Variants in RACGAP1 observed in about 807,000 individuals in gnomAD.
RACGAP1 encodes the protein rac GTPase-activating protein 1.
RACGAP1 carries 30 observed loss-of-function variants against 78.1 expected under a neutral mutation model. The ratio of observed to expected loss-of-function variants is 0.38; its 90% CI spans 0.29 to 0.52. The LOEUF (loss-of-function observed/expected upper bound fraction) is 0.52. Ranked by LOEUF, RACGAP1 falls within the 20% of genes least tolerant of loss-of-function variation. RACGAP1 has a pLI of 0.82. For missense variants in RACGAP1, 587 were observed against 777.1 expected (o/e 0.76, Z 2.91); for synonymous variants, 231 against 264.8 (o/e 0.87, Z 1.24).
At chr12:49,997,519 C>T (rs1437844988) in intron 9 of RACGAP1, among the ~76,000 whole-genome samples, 2 of 151,732 alleles carry the variant, frequency 1.3e-5, no homozygotes, top group East Asian at 3.9e-4. Context: ...TGTGATTCAC[C>T]CACCTCGACC....
chr12:50,033,094 G>GC (rs1302570824), exon 1 of RACGAP1: 2 of 152,450 alleles, frequency 1.3e-5, no homozygotes, highest in Non-Finnish European at 2.9e-5. Context: ...TCTGGCCACA[G>GC]CCCGATGCGT....
chr12:50,002,641 G>T, intron 5 of RACGAP1: 1 of 197,596 alleles, frequency 5.1e-6, no homozygotes, highest in Admixed American at 5.4e-5. Flanking sequence ...AGAATGTTAG[G>T]CACTATACTG....
intron 2 of RACGAP1, among the ~76,000 whole-genome samples, chr12:50,009,694 C>T (rs1443857019): frequency 1.3e-5 from 2 of 152,208 alleles, no homozygotes; most frequent in African/African-American, 4.8e-5. Context: ...TCCAAGACCA[C>T]CTTACCAGTT....
chr12:49,996,756 T>C (rs968510521), intron 10 of RACGAP1, among the ~76,000 whole-genome samples: 1 of 147,606 alleles, frequency 6.8e-6, no homozygotes, highest in Non-Finnish European at 1.5e-5. Context: ...ATGTCTGAAA[T>C]TTTCCAAAAT....
chr12:50,031,130 C>A (rs1173636194), intron 2 of RACGAP1, among the ~76,000 whole-genome samples: 1 of 151,840 alleles, frequency 6.6e-6, no homozygotes, highest in African/African-American at 2.4e-5. Flanking sequence ...TGATTCTAAT[C>A]ATATATCTCC....
At chr12:49,992,769 T>G (rs896725277) in intron 12 of RACGAP1, 114 bp from the exon 13 acceptor site, 9 of 695,654 alleles carry the variant, frequency 1.3e-5, no homozygotes, top group African/African-American at 1.3e-4. Context: ...AACTCCTGAT[T>G]AGTTCATGAC....
chr12:49,993,416 C>T (rs1483378375), intron 12 of RACGAP1, among the ~76,000 whole-genome samples: 1 of 152,104 alleles, frequency 6.6e-6, no homozygotes, highest in Non-Finnish European at 1.5e-5. Context: ...AAGGGTGACA[C>T]GCATACAGTT....
intron 10 of RACGAP1, among the ~76,000 whole-genome samples, chr12:49,995,414 CA>C (rs780070650): frequency 3.3e-5 from 5 of 151,872 alleles, no homozygotes; most frequent in Non-Finnish European, 7.4e-5. Flanking sequence ...CTTGTAAGAT[CA>C]GGGGAAAATA....
chr12:49,992,621 C>T lies in RACGAP1; in HGVS notation c.1374G>A (p.Met458Ile). 1 of 1,613,952 alleles carries T rather than the reference C, an allele frequency of 6.2e-7. No individual in the cohort carries two copies. The highest frequency in any genetic ancestry group is 8.5e-7 in the Non-Finnish European group (1 of 1,179,964). The change falls in exon 13 of 17, where the codon ATG becomes ATA. Residue 458 changes from methionine (M) to isoleucine (I), a missense_variant. Physicochemically the swap from Met to Ile is conservative, Grantham distance 10 (BLOSUM62 1). Transcript: ENST00000312377. ...ITDEDNSIAAMYQAVGELPQA... is the reference protein window; with the variant it reads ...ITDEDNSIAAIYQAVGELPQA... ...GGGGCAGTTCACCAACAGCTTGGTA[C>T]ATGGCAGCTATGCTGTTGTCTTCAT... is the stretch of plus-strand genomic sequence containing the variant.
intron 6 of RACGAP1, 91 bp from the exon 7 acceptor site, chr12:50,001,343 G>A: frequency 9.9e-7 from 1 of 1,008,040 alleles, no homozygotes; most frequent in East Asian, 2.5e-5. Context: ...TTGGATACAG[G>A]TCCTGGGGAT....
rs35573059 is a variant in RACGAP1 at position 50,015,042 on chromosome 12, C to CAA, written c.85+1587_85+1588dup. On this transcript the variant is annotated intron_variant, in intron 2 of 16. Transcript: ENST00000312377. ...TGGGTGACAGAGTGAGATTCTGTCT[C>CAA]AAAAAAAAAAAAAAAAAGAGAGAGA... 6.7e-3 allele frequency among the ~76,000 whole-genome samples: 814 copies of CAA among 120,792 alleles called. 8 individuals are homozygous for CAA. Among genetic ancestry groups the CAA allele is most frequent in the Middle Eastern group, 0.03 (7 of 230 alleles). The allele number at this position is 120,792 out of a possible 152,430, so 79.2% of individuals were successfully genotyped here. A position where few individuals can be genotyped will look rare whatever the true frequency, so the allele number is the denominator to read the frequency against.
chr12:50,012,042 T>G (rs1375671205), intron 2 of RACGAP1, among the ~76,000 whole-genome samples: 1 of 150,616 alleles, frequency 6.6e-6, no homozygotes, highest in Admixed American at 6.6e-5. Flanking sequence ...GTAGGAGGAT[T>G]GCTTGAGCCC....
rs188127494 is a variant in RACGAP1, at chr12:50,010,158, A to T, written c.86-3522T>A. Among the ~76,000 whole-genome samples, 922 of 152,256 alleles carry T rather than the reference A, an allele frequency of 6.1e-3. 13 individuals carry two copies. Among genetic ancestry groups the T allele is most frequent in the African/African-American group, 0.021 (855 of 41,544 alleles). Reference sequence around the variant, plus strand: ...AATTTATACACCAATGATTTTTTTTAAAAAGCTCAGGCAGCTTATGAAAAA... The same window carrying T: ...AATTTATACACCAATGATTTTTTTTTAAAAGCTCAGGCAGCTTATGAAAAA... On this transcript the variant is annotated intron_variant, in intron 2 of 16. Coordinates refer to ENST00000312377, the MANE Select transcript of RACGAP1 (RefSeq NM_001319999.2).
chr12:50,030,058 GC>G (rs1380428777), upstream of RACGAP1, among the ~76,000 whole-genome samples: 1 of 152,164 alleles, frequency 6.6e-6, no homozygotes, highest in African/African-American at 2.4e-5. Context: ...ATCACTGGAG[GC>G]CCGGAGTTCA....
upstream of RACGAP1, among the ~76,000 whole-genome samples, chr12:50,027,095 T>G (rs1950282300): frequency 6.6e-6 from 1 of 152,354 alleles, no homozygotes; most frequent in South Asian, 2.1e-4. Context: ...CTCACAGGTT[T>G]ATTCCCAGAT....
intron 2 of RACGAP1, among the ~76,000 whole-genome samples, chr12:50,012,923 TGTG>T (rs1204752418): frequency 7.0e-6 from 1 of 143,428 alleles, no homozygotes; most frequent in Non-Finnish European, 1.5e-5. Flanking sequence ...ATTAGCCAGG[TGTG>T]GTGGTGCATG....
intron 2 of RACGAP1, among the ~76,000 whole-genome samples, chr12:50,031,198 C>T (rs1335300416): frequency 2.0e-5 from 3 of 151,668 alleles, no homozygotes; most frequent in East Asian, 1.9e-4. Flanking sequence ...AAAATTCTGC[C>T]GTGCGCGGTG....
chr12:49,996,972 A>C (rs1471713957), intron 10 of RACGAP1, 68 bp downstream of exon 10: 2 of 1,388,108 alleles, frequency 1.4e-6, no homozygotes, highest in African/African-American at 2.9e-5. Flanking sequence ...TAGAACAAAA[A>C]CTGACACTAA....
At chr12:49,993,707 A>C (rs1323869023) in intron 12 of RACGAP1, among the ~76,000 whole-genome samples, 1 of 144,044 alleles carries the variant, frequency 6.9e-6, no homozygotes, top group Non-Finnish European at 1.5e-5. Flanking sequence ...CGATAGCGCC[A>C]CTGCACTCCA....
Sources: allele counts gnomAD v4.1 joint callset (sites outside exome capture counted in the v4.1 genomes callset), GRCh38; gene constraint gnomAD v4.1.1; transcripts MANE v1.5; gene names NCBI Gene and HGNC (gene_info 2026-07-23, HGNC 2026-07-21).